GALNT17: variants seen among roughly 807,000 people sequenced by gnomAD.
GALNT17 encodes the protein UDP-GalNAc:polypeptide N-acetylgalactosaminyltransferase-like 3.
In GALNT17, 29 loss-of-function variants were observed where a neutral mutation model predicts 63.7. That is an observed-to-expected ratio of 0.46 (90% CI 0.34 to 0.62). The LOEUF is 0.62. Ranked by LOEUF, GALNT17 falls within the 20% of genes least tolerant of loss-of-function variation. The pLI is 0.01. For missense variants in GALNT17, 603 were observed against 799.6 expected (o/e 0.75, Z 2.97); for synonymous variants, 305 against 318.3 (o/e 0.96, Z 0.45).
At chr7:71,674,349 T>TTA (rs1554322320) in intron 8 of GALNT17, among the ~76,000 whole-genome samples, 12 of 148,876 alleles carry the variant, frequency 8.1e-5, no homozygotes, top group Non-Finnish European at 1.2e-4. Context: ...TCTTCCTTTT[T>TTA]AAAAAAAAAA....
At chr7:71,399,781 C>T (rs903526754) in intron 3 of GALNT17, among the ~76,000 whole-genome samples, 2 of 151,970 alleles carry the variant, frequency 1.3e-5, no homozygotes, top group African/African-American at 2.4e-5. Context: ...TTCTTACCAA[C>T]ACTGAATTTT....
chr7:71,321,941 C>CT lies in GALNT17; in HGVS notation c.239-13608dup, dbSNP rs1563001341. 3.9e-3 allele frequency among the ~76,000 whole-genome samples: 382 copies of CT among 98,988 alleles called. 12 individuals carry two copies. The highest frequency in any genetic ancestry group is 0.014 in the African/African-American group (355 of 25,472). 64.9% of individuals were successfully genotyped at this position (98,988 alleles called of 152,430 possible). ...TTCCTTCCCCTCCCTCCCTCCCTCC[C>CT]TCCCTTCCTTCCTTCCTTCCTTTTT... On this transcript the variant is annotated intron_variant, in intron 1 of 10. Coordinates refer to ENST00000333538, the MANE Select transcript of GALNT17 (RefSeq NM_022479.3).
At chr7:71,516,375 C>T (rs1788445044) in intron 5 of GALNT17, among the ~76,000 whole-genome samples, 1 of 152,270 alleles carries the variant, frequency 6.6e-6, no homozygotes, top group South Asian at 2.1e-4. Context: ...GGACTTGAGT[C>T]ACACTTTTTC....
chr7:71,261,187 C>T (rs778381933), intron 1 of GALNT17, among the ~76,000 whole-genome samples: 5 of 152,128 alleles, frequency 3.3e-5, no homozygotes, highest in Non-Finnish European at 7.3e-5. Flanking sequence ...TTCCAACGTG[C>T]GGTCACGTCT....
chr7:71,525,437 A>G (rs111915825), intron 5 of GALNT17, among the ~76,000 whole-genome samples: 4,397 of 152,028 alleles, frequency 0.029, 103 homozygotes, highest in East Asian at 0.041. Context: ...CCATCTCCCA[A>G]CCTCATGATC....
intron 1 of GALNT17, among the ~76,000 whole-genome samples, chr7:71,193,066 CA>C (rs1788982306): frequency 2.1e-5 from 3 of 140,590 alleles, no homozygotes; most frequent in African/African-American, 7.9e-5. Context: ...CATCATCTAC[CA>C]TTTATTTATT....
chr7:71,318,789 A>G (rs1791548285), intron 1 of GALNT17, among the ~76,000 whole-genome samples: 2 of 152,158 alleles, frequency 1.3e-5, no homozygotes, highest in Non-Finnish European at 2.9e-5. Flanking sequence ...AGGATGCAGG[A>G]TGCACATGTT....
At chr7:71,161,752 A>C (rs537311020) in intron 1 of GALNT17, among the ~76,000 whole-genome samples, 1 of 152,278 alleles carries the variant, frequency 6.6e-6, no homozygotes, top group African/African-American at 2.4e-5. Context: ...CATTGGTTGG[A>C]TAATGCTGCC....
chr7:71,403,269 C>T (rs540867746), intron 3 of GALNT17, among the ~76,000 whole-genome samples: 53 of 152,188 alleles, frequency 3.5e-4, no homozygotes, highest in Admixed American at 1.0e-3. Flanking sequence ...ATGTAGCCTT[C>T]GCTCAGTTTC....
intron 1 of GALNT17, among the ~76,000 whole-genome samples, chr7:71,301,226 G>T (rs1791190177): frequency 6.6e-6 from 1 of 151,804 alleles, no homozygotes; most frequent in East Asian, 1.9e-4. Flanking sequence ...GTTCGAGGCT[G>T]CAGTGAGCTA....
intron 5 of GALNT17, among the ~76,000 whole-genome samples, chr7:71,447,592 C>T (rs1340029711): frequency 6.6e-6 from 1 of 151,984 alleles, no homozygotes; most frequent in Non-Finnish European, 1.5e-5. Context: ...AAGATGCAAC[C>T]CCAGAATAGC....
intron 1 of GALNT17, among the ~76,000 whole-genome samples, chr7:71,262,090 G>T (rs1790395535): frequency 6.6e-6 from 1 of 152,054 alleles, no homozygotes. Context: ...TGCCCTGTTG[G>T]TTTCTTCTTT....
intron 6 of GALNT17, among the ~76,000 whole-genome samples, chr7:71,597,595 T>C (rs1250713875): frequency 6.6e-6 from 1 of 152,092 alleles, no homozygotes; most frequent in Non-Finnish European, 1.5e-5. Context: ...CTGAATGTGG[T>C]GTCAGAGAGG....
At chr7:71,260,611 C>T (rs1583807782) in intron 1 of GALNT17, among the ~76,000 whole-genome samples, 3 of 146,952 alleles carry the variant, frequency 2.0e-5, no homozygotes, top group Admixed American at 6.8e-5. Flanking sequence ...TTTTTTTAAT[C>T]TTTTTTTTTT....
chr7:71,299,851 C>T (rs1030943533), intron 1 of GALNT17, among the ~76,000 whole-genome samples: 41 of 151,958 alleles, frequency 2.7e-4, no homozygotes, highest in Non-Finnish European at 4.7e-4. Flanking sequence ...CTGCAACCTC[C>T]GCCTCCCGGG....
At chr7:71,459,224 GATAAC>G (rs748772154) in intron 5 of GALNT17, among the ~76,000 whole-genome samples, 29 of 152,072 alleles carry the variant, frequency 1.9e-4, no homozygotes, top group Non-Finnish European at 3.2e-4. Context: ...CACATGGGCA[GATAAC>G]ATAACATTTA....
At chr7:71,576,547 G>GTT (rs1381724466) in intron 6 of GALNT17, among the ~76,000 whole-genome samples, 2 of 151,656 alleles carry the variant, frequency 1.3e-5, no homozygotes, top group East Asian at 3.9e-4. Context: ...GTGTGTGTGT[G>GTT]TGTGTGTGTG....
chr7:71,498,486 A>G (rs951116284), intron 5 of GALNT17, among the ~76,000 whole-genome samples: 2 of 152,166 alleles, frequency 1.3e-5, no homozygotes, highest in South Asian at 2.1e-4. Flanking sequence ...AGCAACAACG[A>G]AAGAGAGAAA....
chr7:71,288,215 CAA>C (rs59555320), intron 1 of GALNT17, among the ~76,000 whole-genome samples: 2,559 of 83,790 alleles, frequency 0.031, 61 homozygotes, highest in African/African-American at 0.12. Flanking sequence ...GACTCCATCT[CAA>C]AAAAAAAAAA....
Sources: gnomAD v4.1 joint callset for allele counts (sites outside exome capture counted in the v4.1 genomes callset) on GRCh38, gnomAD v4.1.1 for gene constraint, MANE v1.5 for transcripts, NCBI Gene and HGNC (gene_info 2026-07-23, HGNC 2026-07-21) for gene names.